Variants in EDIL3 observed in about 807,000 individuals in gnomAD.
The protein encoded by EDIL3 is EGF-like repeat and discoidin I-like domain-containing protein 3.
Under a neutral mutation model 67.4 loss-of-function variants are expected in EDIL3, and 37 were observed. The observed-to-expected ratio is 0.55, with a 90% CI of 0.42 to 0.72. EDIL3 has a LOEUF of 0.72. EDIL3 is among the 30% of genes least tolerant of loss of function. The pLI, the probability that EDIL3 is intolerant of heterozygous loss-of-function variation, is 0.00. For synonymous variants in EDIL3, 195 were observed against 196.3 expected (o/e 0.99, Z 0.05); for missense variants, 527 against 586.3 (o/e 0.90, Z 1.04).
At chr5:83,981,640 G>A (rs761235635) in intron 9 of EDIL3, among the ~76,000 whole-genome samples, 2 of 151,938 alleles carry the variant, frequency 1.3e-5, no homozygotes, top group Non-Finnish European at 2.9e-5. Flanking sequence ...CAAAGTAACC[G>A]ATGATTAGCC....
intron 1 of EDIL3, among the ~76,000 whole-genome samples, chr5:84,364,734 A>G (rs577049410): frequency 6.6e-6 from 1 of 152,134 alleles, no homozygotes; most frequent in South Asian, 2.1e-4. Flanking sequence ...ATCTCACACT[A>G]CATAAATTTC....
rs1321221277 is a variant in EDIL3, at chr5:83,941,321, T to C, written c.*2098A>G. The C allele has an allele frequency of 6.6e-6, 1 of 151,978 alleles. No individual in the cohort carries two copies. The highest frequency in any genetic ancestry group is 2.4e-5 in the African/African-American group (1 of 41,426). The allele number at this position is 151,978 out of a possible 1,614,324, so 9.4% of individuals were successfully genotyped here. ...AATGCTTTTTCTAAAAGGTAACAAA[T>C]ATAATTTTAATCAACTTCCTTGGAA... On this transcript the variant is annotated 3_prime_UTR_variant, in exon 11 of 11. Transcript: ENST00000296591.
chr5:83,944,461 T>G (rs1052479576), intron 10 of EDIL3, among the ~76,000 whole-genome samples: 4 of 150,916 alleles, frequency 2.7e-5, no homozygotes, highest in African/African-American at 4.9e-5. Flanking sequence ...CAAAAGACTT[T>G]CATAATAACT....
chr5:84,251,049 C>G (rs115305601), intron 2 of EDIL3, among the ~76,000 whole-genome samples: 1 of 152,022 alleles, frequency 6.6e-6, no homozygotes, highest in African/African-American at 2.4e-5. Context: ...TGCATTGGTG[C>G]TAGATAACAA....
At chr5:84,015,216 G>C (rs182259388) in intron 9 of EDIL3, among the ~76,000 whole-genome samples, 188 of 152,240 alleles carry the variant, frequency 1.2e-3, no homozygotes, top group African/African-American at 4.3e-3. Context: ...CTGAAGGACA[G>C]TATCTAAGTT....
chr5:84,369,818 C>A (rs1336707096), intron 1 of EDIL3, among the ~76,000 whole-genome samples: 2 of 152,048 alleles, frequency 1.3e-5, no homozygotes, highest in Non-Finnish European at 2.9e-5. Flanking sequence ...ATGATATGAT[C>A]CATTTTATGG....
At chr5:84,246,946 T>C (rs1006984538) in intron 2 of EDIL3, among the ~76,000 whole-genome samples, 1 of 152,174 alleles carries the variant, frequency 6.6e-6, no homozygotes, top group Non-Finnish European at 1.5e-5. Flanking sequence ...AAACTTTCCC[T>C]TAATTATCTG....
chr5:84,058,311 A>C (rs1420766880), intron 9 of EDIL3, among the ~76,000 whole-genome samples: 1 of 152,050 alleles, frequency 6.6e-6, no homozygotes, highest in Non-Finnish European at 1.5e-5. Flanking sequence ...AAGGGTTTTA[A>C]ACAGGAGAGT....
At chr5:84,273,044 G>A (rs987633523) in intron 1 of EDIL3, among the ~76,000 whole-genome samples, 1 of 151,974 alleles carries the variant, frequency 6.6e-6, no homozygotes, top group African/African-American at 2.4e-5. Context: ...ATCTAGTTAG[G>A]ATCAGAGGCA....
intron 1 of EDIL3, among the ~76,000 whole-genome samples, chr5:84,304,711 A>C (rs1325606844): frequency 1.3e-5 from 2 of 152,212 alleles, no homozygotes; most frequent in Non-Finnish European, 2.9e-5. Context: ...AAAATCCATT[A>C]ATTGGTTTTA....
In EDIL3 at chr5:84,064,836, A is replaced by G; in HGVS notation, c.816T>C (p.Arg272=). 6.2e-7 allele frequency: 1 copy of G among 1,609,508 alleles called. No homozygotes were observed. The highest frequency in any genetic ancestry group is 2.2e-5 in the East Asian group (1 of 44,812). ...VKGTNEDMVF[R]GNIDNNTPYA... is the part of the protein sequence containing the mutation. ...ATGGAGTGTTGTTATCAATGTTTCC[A>G]CGAAACACCTGTGTAAAAACAGTTT... is the stretch of plus-strand genomic sequence containing the variant. Residue 272 remains arginine (R), a synonymous_variant, in exon 8 of 11, where the codon CGT becomes CGC. Coordinates refer to ENST00000296591, the MANE Select transcript of EDIL3 (RefSeq NM_005711.5).
chr5:84,317,907 G>GGC (rs1746548512), intron 1 of EDIL3, among the ~76,000 whole-genome samples: 1 of 152,148 alleles, frequency 6.6e-6, no homozygotes. Context: ...TGTATATTTA[G>GGC]AAAACTCCAT....
intron 9 of EDIL3, among the ~76,000 whole-genome samples, chr5:84,009,327 T>G (rs938615093): frequency 1.3e-5 from 2 of 152,200 alleles, no homozygotes; most frequent in East Asian, 3.9e-4. Context: ...ATTAACCTGA[T>G]GACCATTTTG....
intron 5 of EDIL3, among the ~76,000 whole-genome samples, chr5:84,108,093 CT>C (rs1285313304): frequency 6.6e-6 from 1 of 151,372 alleles, no homozygotes; most frequent in Non-Finnish European, 1.5e-5. Context: ...ATTTTAATTA[CT>C]GTCAAAATCC....
At chr5:83,943,876 C>T (rs1011215581) in intron 10 of EDIL3, among the ~76,000 whole-genome samples, 1 of 151,904 alleles carries the variant, frequency 6.6e-6, no homozygotes, top group Non-Finnish European at 1.5e-5. Flanking sequence ...CACAGGCTGA[C>T]GTTAGTCATG....
chr5:84,308,629 AT>A (rs1195916268), intron 1 of EDIL3, among the ~76,000 whole-genome samples: 1 of 152,154 alleles, frequency 6.6e-6, no homozygotes, highest in African/African-American at 2.4e-5. Context: ...TCAGGAAGTA[AT>A]TTTTAGAAAT....
At chr5:84,312,983 T>TTTTAACA (rs1382607651) in intron 1 of EDIL3, among the ~76,000 whole-genome samples, 1 of 152,172 alleles carries the variant, frequency 6.6e-6, no homozygotes, top group African/African-American at 2.4e-5. Context: ...TTTTAACAAA[T>TTTTAACA]CTCAGAAAAG....
intron 9 of EDIL3, among the ~76,000 whole-genome samples, chr5:83,971,607 A>G (rs1408478144): frequency 1.3e-5 from 2 of 151,632 alleles, no homozygotes; most frequent in Admixed American, 1.3e-4. Flanking sequence ...TTTTTTTTTC[A>G]TACATTTAGA....
intron 1 of EDIL3, among the ~76,000 whole-genome samples, chr5:84,367,877 A>C (rs1233394845): frequency 1.3e-5 from 2 of 152,128 alleles, no homozygotes; most frequent in Admixed American, 1.3e-4. Context: ...GTGAGAAAAG[A>C]TTTTCAGCTT....
Sources: gnomAD v4.1 joint callset for allele counts (sites outside exome capture counted in the v4.1 genomes callset) on GRCh38, gnomAD v4.1.1 for gene constraint, MANE v1.5 for transcripts, NCBI Gene and HGNC (gene_info 2026-07-23, HGNC 2026-07-21) for gene names.